The following AGAP1 variants were observed in gnomAD, a reference collection of about 807,000 sequenced individuals.
The protein encoded by AGAP1 is arf-GAP with GTPase, ANK repeat and PH domain-containing protein 1.
Under a neutral mutation model 105.3 loss-of-function variants are expected in AGAP1, and 29 were observed. The ratio of observed to expected loss-of-function variants is 0.28; its 90% CI spans 0.21 to 0.38. The LOEUF is 0.38. AGAP1 is among the 10% of genes least tolerant of loss of function. The probability of loss-of-function intolerance (pLI) is 1.00; values close to 1 mark genes in which losing one functional copy is unlikely to be tolerated. For missense variants in AGAP1, 998 were observed against 1,165.1 expected (o/e 0.86, Z 2.09); for synonymous variants, 509 against 485.9 (o/e 1.05, Z -0.63).
At position 235,728,699 on chromosome 2, in the gene AGAP1, T is replaced by G. The variant is rs1951782303; in HGVS notation, c.310+11055T>G. Among the ~76,000 whole-genome samples, 1 of 152,130 alleles carries G rather than the reference T, an allele frequency of 6.6e-6. No individual in the cohort carries two copies. Among genetic ancestry groups the G allele is most frequent in the Non-Finnish European group, 1.5e-5 (1 of 68,024 alleles). Reference sequence around the variant, plus strand: ...TAATGTTGTATATTTTTTTAAAAATTAACACCACCATAAGCAAGAAGGAAA... The same window carrying G: ...TAATGTTGTATATTTTTTTAAAAATGAACACCACCATAAGCAAGAAGGAAA... On this transcript the variant is annotated intron_variant, in intron 3 of 17. Coordinates refer to ENST00000304032, the MANE Select transcript of AGAP1 (RefSeq NM_001037131.3). The surrounding 1 kb of genome is among the most constrained non-coding windows in gnomAD (Gnocchi z 4.3).
rs1953073380 is a variant in AGAP1 at position 235,747,680 on chromosome 2, C to T, written c.539-2674C>T. Among the ~76,000 whole-genome samples the T allele has an allele frequency of 6.6e-6, 1 of 152,226 alleles. No individual in the cohort carries two copies. The highest frequency in any genetic ancestry group is 1.5e-5 in the Non-Finnish European group (1 of 68,046). ...GGCATGCACGTGGGCTCTGAGGGTC[C>T]CTGCCGCGACGCTTGCTTCCTGCGT... On this transcript the variant is annotated intron_variant, in intron 5 of 17. Coordinates refer to ENST00000304032, the MANE Select transcript of AGAP1 (RefSeq NM_001037131.3). This position sits in a 1 kb window ranked among gnomAD's most constrained non-coding sequence, Gnocchi z 5.0.
At chr2:235,814,797 G>T (rs1958358232) in intron 9 of AGAP1, among the ~76,000 whole-genome samples, 1 of 152,150 alleles carries the variant, frequency 6.6e-6, no homozygotes, top group Non-Finnish European at 1.5e-5. Flanking sequence ...CGGATGGAGG[G>T]GTTCAGGAGG....
chr2:235,558,557 C>T (rs1030176522), intron 1 of AGAP1, among the ~76,000 whole-genome samples: 7 of 152,176 alleles, frequency 4.6e-5, no homozygotes, highest in African/African-American at 1.4e-4. Context: ...ACCCTCCAGT[C>T]GTAGCCTTCA....
intron 1 of AGAP1, among the ~76,000 whole-genome samples, chr2:235,499,421 G>T (rs1444018952): frequency 6.6e-6 from 1 of 152,208 alleles, no homozygotes; most frequent in Non-Finnish European, 1.5e-5. Context: ...TCCTGCTGTG[G>T]ATAAGTGTCA....
At chr2:236,004,009 A>G (rs1022857886) in intron 13 of AGAP1, among the ~76,000 whole-genome samples, 10 of 152,254 alleles carry the variant, frequency 6.6e-5, no homozygotes, top group South Asian at 6.2e-4. Context: ...TACAGGTGCA[A>G]TGAGCTTTGG....
In AGAP1 at chr2:235,927,252, A is replaced by G. The variant is rs2052496412; in HGVS notation, c.1325-3513A>G. 6.6e-6 allele frequency among the ~76,000 whole-genome samples: 1 copy of G among 152,072 alleles called. No individual in the cohort carries two copies. Among genetic ancestry groups the G allele is most frequent in the South Asian group, 2.1e-4 (1 of 4,818 alleles). ...CTGGTCTGGTGTCTTCCATCTGGAC[A>G]CCAGGAGCATGTGGTCTTGCCAGGA... On this transcript the variant is annotated intron_variant, in intron 11 of 17. Coordinates refer to ENST00000304032, the MANE Select transcript of AGAP1 (RefSeq NM_001037131.3). This position sits in a 1 kb window ranked among gnomAD's most constrained non-coding sequence, Gnocchi z 4.4.
intron 5 of AGAP1, among the ~76,000 whole-genome samples, chr2:235,748,978 G>A (rs1394048448): frequency 3.9e-5 from 6 of 152,222 alleles, no homozygotes; most frequent in African/African-American, 1.4e-4. Context: ...GGAGGCCCAG[G>A]CGGGTGGATC....
chr2:236,015,078 C>A (rs768674105), intron 13 of AGAP1, among the ~76,000 whole-genome samples: 2 of 152,118 alleles, frequency 1.3e-5, no homozygotes, highest in South Asian at 4.1e-4. Flanking sequence ...ATTCGTGTTC[C>A]TTTCAGCTTA....
intron 1 of AGAP1, among the ~76,000 whole-genome samples, chr2:235,521,734 T>TTTTATGTATG (rs562790524): frequency 1.6e-4 from 4 of 25,582 alleles, no homozygotes; most frequent in Admixed American, 1.1e-3. Flanking sequence ...TTTTTGTTTG[T>TTTTATGTATG]TATATATATG....
chr2:236,117,905 G>A (rs1327191216), intron 16 of AGAP1, among the ~76,000 whole-genome samples: 1 of 152,160 alleles, frequency 6.6e-6, no homozygotes, highest in Non-Finnish European at 1.5e-5. Context: ...TGCAGGGGCT[G>A]CCTCCGCTGC....
In AGAP1 at chr2:235,936,414, TG is replaced by T. The variant is rs2052990943; in HGVS notation, c.1483+5492del. ...CAGCCGATCCTCAATGGAAAGCATT[TG>T]AGTTTTTGCCAGCTTTTAAATGTCT... On this transcript the variant is annotated intron_variant, in intron 12 of 17. Coordinates refer to ENST00000304032, the MANE Select transcript of AGAP1 (RefSeq NM_001037131.3). The surrounding 1 kb of genome is among the most constrained non-coding windows in gnomAD (Gnocchi z 4.7). 6.6e-6 allele frequency among the ~76,000 whole-genome samples: 1 copy of T among 152,238 alleles called. No homozygotes were observed. Among genetic ancestry groups the T allele is most frequent in the Non-Finnish European group, 1.5e-5 (1 of 68,044 alleles).
intron 1 of AGAP1, among the ~76,000 whole-genome samples, chr2:235,695,516 C>T (rs1436799930): frequency 1.3e-5 from 2 of 152,180 alleles, no homozygotes; most frequent in South Asian, 2.1e-4. Context: ...AGGTTACAGA[C>T]GATCTGTAGC....
intron 1 of AGAP1, among the ~76,000 whole-genome samples, chr2:235,636,772 G>A (rs959789645): frequency 4.6e-5 from 7 of 152,122 alleles, no homozygotes; most frequent in Non-Finnish European, 1.0e-4. Flanking sequence ...TAAGGTCGTC[G>A]CAGATGTAAT....
Position 235,635,669 on chromosome 2 carries a change from C to T in AGAP1, c.164-73510C>T, listed in dbSNP as rs768989808. On this transcript the variant is annotated intron_variant, in intron 1 of 17. Transcript: ENST00000304032. The surrounding 1 kb of genome is among the most constrained non-coding windows in gnomAD (Gnocchi z 5.3). Reference sequence around the variant, plus strand: ...GTTAGCCATGGCACCTTCTCCAAAGCTGCCTCGCTCCTGCACTGATGCTGT... The same window carrying T: ...GTTAGCCATGGCACCTTCTCCAAAGTTGCCTCGCTCCTGCACTGATGCTGT... 6.6e-6 allele frequency among the ~76,000 whole-genome samples: 1 copy of T among 152,082 alleles called. No individual in the cohort carries two copies. The highest frequency in any genetic ancestry group is 1.5e-5 in the Non-Finnish European group (1 of 68,028).
chr2:235,680,863 C>G (rs775566370), intron 1 of AGAP1, among the ~76,000 whole-genome samples: 1 of 152,106 alleles, frequency 6.6e-6, no homozygotes, highest in Admixed American at 6.5e-5. Flanking sequence ...GGCCAGCTTC[C>G]GCCTCTGAAC....
At chr2:235,589,194 G>GTTTTTTTTTTTTTTTTTT (rs928149334) in intron 1 of AGAP1, among the ~76,000 whole-genome samples, 1 of 59,616 alleles carries the variant, frequency 1.7e-5, no homozygotes, top group Non-Finnish European at 2.9e-5. Flanking sequence ...TTATTGTTTT[G>GTTTTTTTTTTTTTTTTTT]TTTTTTTTTT....
chr2:235,699,289 G>A (rs368856294), intron 1 of AGAP1, among the ~76,000 whole-genome samples: 2 of 152,260 alleles, frequency 1.3e-5, no homozygotes, highest in East Asian at 1.9e-4. Context: ...TACAGGCAGT[G>A]TCTTTGGTTG....
At chr2:235,907,334 G>A (rs1171781393) in intron 10 of AGAP1, among the ~76,000 whole-genome samples, 2 of 152,158 alleles carry the variant, frequency 1.3e-5, no homozygotes, top group Admixed American at 6.5e-5. Context: ...GGCTGAGCAC[G>A]GTGGCTTGTG....
rs1027335253 is a variant in AGAP1 at position 236,073,746 on chromosome 2, G to T, written c.2114+24465G>T. Among the ~76,000 whole-genome samples, 1 of 152,176 alleles carries T rather than the reference G, an allele frequency of 6.6e-6. No individual in the cohort carries two copies. The highest frequency in any genetic ancestry group is 2.4e-5 in the African/African-American group (1 of 41,438). ...ACTTGTAACTTCATTGGTGGTGGGGGTACAGGCAGGTCAGCTTGTTCACAT... is the reference window on the plus strand; with the variant it reads ...ACTTGTAACTTCATTGGTGGTGGGGTTACAGGCAGGTCAGCTTGTTCACAT... On this transcript the variant is annotated intron_variant, in intron 16 of 17. Coordinates refer to ENST00000304032, the MANE Select transcript of AGAP1 (RefSeq NM_001037131.3). This position sits in a 1 kb window ranked among gnomAD's most constrained non-coding sequence, Gnocchi z 5.4.
Sources: gnomAD v4.1 joint callset for allele counts (sites outside exome capture counted in the v4.1 genomes callset) on GRCh38, gnomAD v4.1.1 for gene constraint, Gnocchi (gnomAD v3.1) non-coding constraint, MANE v1.5 for transcripts, NCBI Gene and HGNC (gene_info 2026-07-23, HGNC 2026-07-21) for gene names.